The following SUMF1 variants were observed in gnomAD, a reference collection of about 807,000 sequenced individuals.
The protein encoded by SUMF1 is formylglycine-generating enzyme.
A neutral mutation model predicts 47.6 loss-of-function variants in SUMF1; 48 were observed. The observed-to-expected ratio is 1.01, with a 90% CI of 0.80 to 1.28. The LOEUF is 1.28. Ranked by LOEUF, SUMF1 falls within the 50% of genes most tolerant of loss-of-function variation. The pLI, the probability that SUMF1 is intolerant of heterozygous loss-of-function variation, is 0.00. For missense variants in SUMF1, 571 were observed against 485.4 expected (o/e 1.18, Z -1.66); for synonymous variants, 230 against 192.1 (o/e 1.20, Z -1.63).
In SUMF1 at chr3:4,260,844, A is replaced by T. The variant is rs757510211; in HGVS notation, c.1014+115486T>A. 2.1e-4 allele frequency among the ~76,000 whole-genome samples: 32 copies of T among 152,164 alleles called. 1 individual carries two copies. The highest frequency in any genetic ancestry group is 1.3e-4 in the Admixed American group (2 of 15,280). Reference sequence around the variant, plus strand: ...CATATGTGCGTGTCCTAATCCCCAGATGGAAGAAGGGGCCACTAGCCAAGG... The same window carrying T: ...CATATGTGCGTGTCCTAATCCCCAGTTGGAAGAAGGGGCCACTAGCCAAGG... On this transcript the variant is annotated intron_variant and NMD_transcript_variant, in intron 8 of 12. Transcript: ENST00000448413.
intron 4 of SUMF1, among the ~76,000 whole-genome samples, chr3:4,418,417 C>T (rs1044518989): frequency 1.3e-5 from 2 of 152,198 alleles, no homozygotes; most frequent in South Asian, 2.1e-4. Context: ...ATGGCAGATG[C>T]GGAGATACTC....
intron 8 of SUMF1, among the ~76,000 whole-genome samples, chr3:4,174,339 G>C (rs1305592211): frequency 7.7e-6 from 1 of 129,492 alleles, no homozygotes; most frequent in Admixed American, 8.4e-5. Flanking sequence ...CTGGGTGACA[G>C]AGCGAGACTC....
intron 8 of SUMF1, among the ~76,000 whole-genome samples, chr3:4,275,058 G>A (rs989184686): frequency 2.0e-5 from 3 of 152,022 alleles, no homozygotes; most frequent in Non-Finnish European, 4.4e-5. Flanking sequence ...CCCAAACCTA[G>A]GAACAGACCC....
chr3:4,178,322 A>G (rs1259808920), intron 8 of SUMF1, among the ~76,000 whole-genome samples: 1 of 152,226 alleles, frequency 6.6e-6, no homozygotes, highest in Non-Finnish European at 1.5e-5. Context: ...ATCCAGCAGC[A>G]TATCAAAAAG....
Position 4,213,435 on chromosome 3 carries a change from C to G in SUMF1, c.1015-144690G>C, listed in dbSNP as rs575743758. Among the ~76,000 whole-genome samples, 3 of 152,298 alleles carry G rather than the reference C, an allele frequency of 2.0e-5. No homozygotes were observed. In the South Asian group the frequency reaches 6.2e-4, roughly 32 times the overall value. On this transcript the variant is annotated intron_variant and NMD_transcript_variant, in intron 8 of 12. Transcript: ENST00000448413. ...AAGCACTAAACATGGAAAGGAACAA[C>G]CAGTTCCAGCCACTGCAAAAACAAA...
intron 8 of SUMF1, among the ~76,000 whole-genome samples, chr3:4,329,779 C>G (rs1387216181): frequency 1.3e-5 from 2 of 149,490 alleles, no homozygotes; most frequent in Admixed American, 6.6e-5. Context: ...TTTTTTTTTC[C>G]TATCACATCA....
chr3:4,127,696 A>G (rs1415184318), intron 8 of SUMF1, among the ~76,000 whole-genome samples: 1 of 152,110 alleles, frequency 6.6e-6, no homozygotes, highest in Non-Finnish European at 1.5e-5. Context: ...AATATTATAT[A>G]TATTCCATTA....
At chr3:4,317,320 C>G in intron 8 of SUMF1, 1 of 879,578 alleles carries the variant, frequency 1.1e-6, no homozygotes, top group Non-Finnish European at 1.7e-6. Flanking sequence ...TGCACCAACC[C>G]AATATCTTCA....
intron 8 of SUMF1, among the ~76,000 whole-genome samples, chr3:4,326,759 G>T (rs984148223): frequency 2.0e-5 from 3 of 152,012 alleles, no homozygotes; most frequent in Non-Finnish European, 4.4e-5. Context: ...GAGCTCAGGT[G>T]ATCTGCCTGC....
chr3:4,368,240 T>G (rs1488581525), intron 8 of SUMF1, among the ~76,000 whole-genome samples: 1 of 152,210 alleles, frequency 6.6e-6, no homozygotes, highest in African/African-American at 2.4e-5. Flanking sequence ...GAAAAAATGC[T>G]CACCATCACT....
At chr3:4,134,113 C>T (rs1693861606) in intron 8 of SUMF1, among the ~76,000 whole-genome samples, 1 of 152,130 alleles carries the variant, frequency 6.6e-6, no homozygotes, top group African/African-American at 2.4e-5. Context: ...CTGCACCACG[C>T]AGACCTAATA....
At chr3:4,446,975 T>C (rs147947843) in intron 3 of SUMF1, among the ~76,000 whole-genome samples, 3 of 152,242 alleles carry the variant, frequency 2.0e-5, no homozygotes, top group Admixed American at 1.3e-4. Flanking sequence ...TGCAAAGAAG[T>C]GTCTACTTTG....
At chr3:4,207,075 AT>A (rs1439742518) in intron 8 of SUMF1, among the ~76,000 whole-genome samples, 2 of 152,114 alleles carry the variant, frequency 1.3e-5, no homozygotes, top group East Asian at 3.8e-4. Flanking sequence ...ACTTTAAAAA[AT>A]TTATTCCCAT....
chr3:4,189,441 T>A (rs142719439), intron 8 of SUMF1, among the ~76,000 whole-genome samples: 35 of 152,272 alleles, frequency 2.3e-4, no homozygotes, highest in African/African-American at 8.2e-4. Context: ...AAGTTCATAG[T>A]CATATTCATT....
At chr3:4,073,094 G>T (rs189121753) in intron 8 of SUMF1, among the ~76,000 whole-genome samples, 1 of 152,288 alleles carries the variant, frequency 6.6e-6, no homozygotes, top group Admixed American at 6.5e-5. Context: ...AGAAACGTTG[G>T]GTTACCCACA....
chr3:4,035,114 T>C (rs185207205), intron 9 of SUMF1, among the ~76,000 whole-genome samples: 14 of 152,210 alleles, frequency 9.2e-5, no homozygotes, highest in Admixed American at 2.0e-4. Flanking sequence ...GGGGGACATT[T>C]TGAGTTTTTA....
At chr3:4,250,830 A>G (rs1265666345) in intron 8 of SUMF1, among the ~76,000 whole-genome samples, 1 of 152,206 alleles carries the variant, frequency 6.6e-6, no homozygotes, top group East Asian at 1.9e-4. Context: ...CTTGCTAATC[A>G]GAAAAAAAGA....
chr3:4,196,627 C>G (rs927207337), intron 8 of SUMF1, among the ~76,000 whole-genome samples: 1 of 152,136 alleles, frequency 6.6e-6, no homozygotes, highest in Non-Finnish European at 1.5e-5. Flanking sequence ...GGCTAAAGTA[C>G]TATTCTACAC....
intron 8 of SUMF1, among the ~76,000 whole-genome samples, chr3:4,086,370 G>A (rs757738409): frequency 7.2e-5 from 11 of 151,888 alleles, no homozygotes; most frequent in African/African-American, 1.2e-4. Context: ...TCACCTCTCC[G>A]GGACTTATTT....
Sources: gnomAD v4.1 joint callset for allele counts (sites outside exome capture counted in the v4.1 genomes callset) on GRCh38, gnomAD v4.1.1 for gene constraint, MANE v1.5 for transcripts, NCBI Gene and HGNC (gene_info 2026-07-23, HGNC 2026-07-21) for gene names.